LIG1: variants seen among roughly 807,000 people sequenced by gnomAD.
LIG1 encodes the protein ligase I, DNA, ATP-dependent.
Under a neutral mutation model 115.7 loss-of-function variants are expected in LIG1, and 70 were observed. That is an observed-to-expected ratio of 0.60 (90% CI 0.50 to 0.74). The LOEUF is 0.74. Ranked by LOEUF, LIG1 falls within the 30% of genes least tolerant of loss-of-function variation. The pLI is 0.00. For synonymous variants in LIG1, 487 were observed against 495.3 expected (o/e 0.98, Z 0.22); for missense variants, 1,115 against 1,225.6 (o/e 0.91, Z 1.35).
intron 14 of LIG1, 90 bp downstream of exon 14, chr19:48,136,918 A>T (rs1382501074): frequency 9.6e-7 from 1 of 1,039,900 alleles, no homozygotes; most frequent in Non-Finnish European, 1.5e-6. Context: ...TGGTCAGGGC[A>T]TTTGTGATGA....
intron 6 of LIG1, among the ~76,000 whole-genome samples, chr19:48,151,986 A>G (rs1328251662): frequency 2.0e-5 from 3 of 152,216 alleles, no homozygotes; most frequent in Non-Finnish European, 4.4e-5. Context: ...TAGGGTCACA[A>G]TACAAACTAC....
At chr19:48,128,860 T>C (rs2033841646) in intron 19 of LIG1, among the ~76,000 whole-genome samples, 1 of 152,206 alleles carries the variant, frequency 6.6e-6, no homozygotes, top group South Asian at 2.1e-4. Flanking sequence ...CCTCCCAGGC[T>C]CAAGCAATTC....
In LIG1 at chr19:48,115,923, T is replaced by G; in HGVS notation, c.2626A>C (p.Ile876Leu). Residue 876 changes from isoleucine to leucine, a missense_variant, in exon 27 of 28, where the codon ATT (isoleucine) becomes CTT (leucine). Physicochemically the swap from Ile to Leu is conservative, Grantham distance 5 (BLOSUM62 2). Coordinates refer to ENST00000263274, the MANE Select transcript of LIG1 (RefSeq NM_000234.3). Reference protein sequence around the residue: ...KGISLRFPRFIRVREDKQPEQ... With the variant: ...KGISLRFPRFLRVREDKQPEQ... Reference sequence around the variant, plus strand: ...GGCTGCTTGTCTTCACGGACTCGAATAAACCGAGGGAAGCGAAGGGAGATG... The same window carrying G: ...GGCTGCTTGTCTTCACGGACTCGAAGAAACCGAGGGAAGCGAAGGGAGATG... 1.2e-6 allele frequency: 2 copies of G among 1,613,990 alleles called. No homozygotes were observed. The highest frequency in any genetic ancestry group is 1.7e-6 in the Non-Finnish European group (2 of 1,180,010).
chr19:48,153,873 T>C lies in LIG1; in HGVS notation c.465A>G (p.Glu155=), dbSNP rs2035669157. The C allele has an allele frequency of 6.4e-7, 1 of 1,572,074 alleles. No individual in the cohort carries two copies. The highest frequency in any genetic ancestry group is 1.9e-5 in the Admixed American group (1 of 53,908). The part of the protein sequence containing the change: ...DREAKRKKEE[E]EEETPKESLT... ...ACTTCTCTCCTTCTGGGGGCTCACC[T>C]TCCTCCTCCTTCTTCCTCTTGGCTT... The change falls in exon 6 of 28, where the codon GAA becomes GAG. Residue 155 remains glutamate, a splice_region_variant and synonymous_variant. Transcript: ENST00000263274.
At chr19:48,134,615 G>A (rs938223907) in intron 16 of LIG1, among the ~76,000 whole-genome samples, 6 of 152,254 alleles carry the variant, frequency 3.9e-5, no homozygotes, top group Non-Finnish European at 7.3e-5. Context: ...CTGAGATTGT[G>A]CTGCTGCACT....
At chr19:48,148,150 GT>G (rs1242352434) in intron 9 of LIG1, among the ~76,000 whole-genome samples, 1 of 152,196 alleles carries the variant, frequency 6.6e-6, no homozygotes, top group African/African-American at 2.4e-5. Flanking sequence ...GTTAGGGACA[GT>G]GTTGTAGGCC....
intron 18 of LIG1, 118 bp from the exon 19 acceptor site, chr19:48,131,289 G>A (rs2034008485): frequency 1.4e-6 from 1 of 734,666 alleles, no homozygotes; most frequent in East Asian, 2.7e-5. Flanking sequence ...GGAGGAACTG[G>A]TGCAGAGACT....
chr19:48,165,407 A>G (rs1407978529), intron 2 of LIG1, 143 bp downstream of exon 2: 21 of 747,692 alleles, frequency 2.8e-5, no homozygotes, highest in Non-Finnish European at 4.3e-5. Flanking sequence ...CTCATTTTCC[A>G]TACTACTTGA....
intron 5 of LIG1, among the ~76,000 whole-genome samples, chr19:48,156,573 G>A (rs140855971): frequency 2.6e-5 from 4 of 152,272 alleles, no homozygotes; most frequent in African/African-American, 9.6e-5. Context: ...TGGTGGACCC[G>A]TGCTCTTAAC....
Position 48,122,949 on chromosome 19 carries a change from C to T in LIG1, c.2217G>A (p.Ser739=), listed in dbSNP as rs150917896. Residue 739 remains serine (S), a synonymous_variant, in exon 23 of 28, where the codon TCG becomes TCA. Transcript: ENST00000263274. The surrounding 1 kb of genome is among the most constrained non-coding windows in gnomAD (Gnocchi z 4.3). ...VDATYEIAKR[S]HNWLKLKKDY... is the part of the protein sequence containing the mutation. ...CGAGAATCACCTTGAGCCAGTTGTG[C>T]GATCTCTTGGCGATCTCGTAGGTGG... 4.0e-5 allele frequency: 65 copies of T among 1,613,100 alleles called. No homozygotes were observed. Among genetic ancestry groups the T allele is most frequent in the Admixed American group, 6.7e-5 (4 of 59,774 alleles).
At chr19:48,135,530 C>T in intron 16 of LIG1, 150 bp downstream of exon 16, 1 of 751,650 alleles carries the variant, frequency 1.3e-6, no homozygotes, top group Admixed American at 1.8e-5. Context: ...TTGTCTAGAT[C>T]ACCACCTCTG....
chr19:48,125,422 G>C (rs779810200), intron 21 of LIG1, among the ~76,000 whole-genome samples: 1 of 152,110 alleles, frequency 6.6e-6, no homozygotes, highest in Admixed American at 6.6e-5. Flanking sequence ...TGAAATTGGG[G>C]GTTTGAGCAT....
intron 9 of LIG1, chr19:48,147,339 C>T: frequency 6.6e-6 from 1 of 152,020 alleles, no homozygotes. Context: ...TTTGAAAACA[C>T]AATCTTTAGA....
At chr19:48,151,081 C>A (rs954134378) in intron 7 of LIG1, 151 bp downstream of exon 7, 12 of 558,574 alleles carry the variant, frequency 2.1e-5, no homozygotes, top group Non-Finnish European at 3.9e-5. Flanking sequence ...AAAAAAAAAA[C>A]CCGAGTAATA....
At position 48,117,652 on chromosome 19, in the gene LIG1, C is replaced by T. The variant is rs968906253; in HGVS notation, c.2569G>A (p.Ala857Thr). 1.2e-6 allele frequency: 2 copies of T among 1,612,884 alleles called. No homozygotes were observed. Among genetic ancestry groups the T allele is most frequent in the Admixed American group, 3.3e-5 (2 of 59,900 alleles). ...CTGCCACTCACCAGGCCCCGCGCAG[C>T]AGGGTAGATGGGAGAGAGGGAGAGG... ...ADLSLSPIYPAARGLVDSDKG... is the reference protein window; with the variant it reads ...ADLSLSPIYPTARGLVDSDKG... Residue 857 changes from alanine to threonine, a missense_variant, in exon 26 of 28, where the codon GCT (alanine) becomes ACT (threonine). Coordinates refer to ENST00000263274, the MANE Select transcript of LIG1 (RefSeq NM_000234.3).
intron 12 of LIG1, among the ~76,000 whole-genome samples, chr19:48,139,041 A>C (rs768654754): frequency 7.2e-5 from 11 of 152,130 alleles, no homozygotes; most frequent in Non-Finnish European, 1.6e-4. Context: ...CCATGGCCCT[A>C]AGCCAGCTCC....
At chr19:48,161,871 G>A (rs1331275056) in intron 3 of LIG1, among the ~76,000 whole-genome samples, 1 of 142,566 alleles carries the variant, frequency 7.0e-6, no homozygotes, top group Admixed American at 7.0e-5. Flanking sequence ...TGTCGCCCAG[G>A]CTGGAGTGCA....
intron 5 of LIG1, among the ~76,000 whole-genome samples, chr19:48,155,951 CT>C (rs1370181771): frequency 1.3e-5 from 2 of 152,076 alleles, no homozygotes; most frequent in East Asian, 1.9e-4. Context: ...TTCAGCTCCC[CT>C]GTCACACTCA....
At chr19:48,159,793 C>T (rs1321197838) in intron 4 of LIG1, among the ~76,000 whole-genome samples, 1 of 152,178 alleles carries the variant, frequency 6.6e-6, no homozygotes, top group Non-Finnish European at 1.5e-5. Context: ...TCTTGGCTCA[C>T]TGCAAGCTCC....
Sources: allele counts gnomAD v4.1 joint callset (sites outside exome capture counted in the v4.1 genomes callset), GRCh38; gene constraint gnomAD v4.1.1; non-coding constraint Gnocchi (gnomAD v3.1); transcripts MANE v1.5; gene names NCBI Gene and HGNC (gene_info 2026-07-23, HGNC 2026-07-21).